The following NAV3 variants were observed in gnomAD, a reference collection of about 807,000 sequenced individuals.
NAV3 encodes the protein neuron navigator 3, also known as pore membrane and/or filament interacting like protein 1.
Under a neutral mutation model 244.7 loss-of-function variants are expected in NAV3, and 87 were observed. That is an observed-to-expected ratio of 0.36 (90% CI 0.30 to 0.42). NAV3 has a LOEUF of 0.42. NAV3 is among the 20% of genes least tolerant of loss of function. The pLI is 1.00. For synonymous variants in NAV3, 1,126 were observed against 1,042.2 expected, an observed-to-expected ratio of 1.08 and a Z score of -1.55; for missense variants, 2,663 against 2,893.3, an observed-to-expected ratio of 0.92 and a Z score of 1.83.
At chr12:78,134,398 T>G (rs992035551) in intron 18 of NAV3, among the ~76,000 whole-genome samples, 4 of 152,220 alleles carry the variant, frequency 2.6e-5, no homozygotes, top group African/African-American at 4.8e-5. Flanking sequence ...ACCTTTGAAA[T>G]TCTTTCTTTA....
chr12:77,836,942 T>G (rs894062570), intron 1 of NAV3, among the ~76,000 whole-genome samples: 2 of 152,168 alleles, frequency 1.3e-5, no homozygotes, highest in African/African-American at 4.8e-5. Flanking sequence ...TATTTCTTGC[T>G]GTTGTGTTCA....
intron 19 of NAV3, among the ~76,000 whole-genome samples, chr12:78,138,039 T>C (rs991553012): frequency 1.3e-5 from 2 of 152,148 alleles, no homozygotes; most frequent in African/African-American, 4.8e-5. Context: ...GAGAGACTTT[T>C]CTCTTTGATT....
chr12:77,788,860 C>G (rs1238917021), intron 2 of NAV3, among the ~76,000 whole-genome samples: 1 of 152,050 alleles, frequency 6.6e-6, no homozygotes, highest in Non-Finnish European at 1.5e-5. Flanking sequence ...ATTCTGCCTC[C>G]TAACTGAATT....
intron 9 of NAV3, among the ~76,000 whole-genome samples, chr12:78,027,983 T>C (rs1169732803): frequency 6.6e-6 from 1 of 152,082 alleles, no homozygotes; most frequent in Non-Finnish European, 1.5e-5. Flanking sequence ...GTTTTTTTTA[T>C]AGCACAGAAA....
rs774128541 is a variant in NAV3, at chr12:78,119,759, G to A, written c.3563G>A (p.Arg1188His). ...GAACCAACTAAAATTGGGTCAGGGC[G>A]CTCGAGTCCTGTCACCGTCAACCAA... ...LREPTKIGSG[R>H]SSPVTVNQTD... is the part of the protein sequence containing the mutation. The change falls in exon 15 of 40, where the codon CGC becomes CAC. Residue 1188 changes from arginine (R) to histidine (H), a missense_variant. Physicochemically the swap from Arg to His is conservative, Grantham distance 29. This residue lies in a region of NAV3 where 1,521 missense variants were observed against 1,497.0 expected (regional missense o/e 1.02). Coordinates refer to ENST00000397909, the MANE Select transcript of NAV3 (RefSeq NM_001024383.2). 2.5e-6 allele frequency: 4 copies of A among 1,613,888 alleles called. No individual in the cohort carries two copies. Among genetic ancestry groups the A allele is most frequent in the South Asian group, 2.2e-5 (2 of 91,068 alleles).
chr12:78,020,161 T>C (rs1876910649), intron 8 of NAV3, among the ~76,000 whole-genome samples: 1 of 152,090 alleles, frequency 6.6e-6, no homozygotes, highest in Non-Finnish European at 1.5e-5. Context: ...AACCACAACA[T>C]TTAATGATTA....
chr12:78,129,233 C>G (rs574706827), intron 18 of NAV3, among the ~76,000 whole-genome samples: 1 of 152,078 alleles, frequency 6.6e-6, no homozygotes, highest in South Asian at 2.1e-4. Context: ...ATTTAAGAAT[C>G]CTCTTAAAAA....
chr12:77,646,663 G>T (rs563717747), intron 2 of NAV3, among the ~76,000 whole-genome samples: 1 of 152,092 alleles, frequency 6.6e-6, no homozygotes. Flanking sequence ...CCAAGGGTTT[G>T]GTTGTCCAGG....
At chr12:78,181,299 C>T (rs141072993) in intron 30 of NAV3, among the ~76,000 whole-genome samples, 149 of 152,168 alleles carry the variant, frequency 9.8e-4, no homozygotes, top group African/African-American at 3.4e-3. Context: ...GAAGTACTTT[C>T]TCCATGATTC....
chr12:77,790,482 A>G (rs1244999728), intron 2 of NAV3, among the ~76,000 whole-genome samples: 2 of 152,172 alleles, frequency 1.3e-5, no homozygotes, highest in African/African-American at 4.8e-5. Flanking sequence ...TTTTGGATAC[A>G]GAAGCACCTG....
intron 1 of NAV3, among the ~76,000 whole-genome samples, chr12:77,854,734 C>T (rs1366389051): frequency 6.6e-6 from 1 of 152,078 alleles, no homozygotes; most frequent in Non-Finnish European, 1.5e-5. Flanking sequence ...TCAATCATGC[C>T]GCCTCTTTCT....
intron 2 of NAV3, among the ~76,000 whole-genome samples, chr12:77,747,654 C>G (rs1868620618): frequency 6.6e-6 from 1 of 152,128 alleles, no homozygotes; most frequent in Admixed American, 6.5e-5. Flanking sequence ...CAATGATAGA[C>G]TGGATTAAGG....
chr12:78,055,428 C>T (rs887588840), intron 11 of NAV3, among the ~76,000 whole-genome samples: 1 of 152,214 alleles, frequency 6.6e-6, no homozygotes, highest in Non-Finnish European at 1.5e-5. Context: ...TGCAAGAATA[C>T]ATGCATAATA....
chr12:78,157,694 T>C (rs1957362485), intron 22 of NAV3, among the ~76,000 whole-genome samples: 1 of 152,104 alleles, frequency 6.6e-6, no homozygotes, highest in African/African-American at 2.4e-5. Flanking sequence ...TATGATACTT[T>C]TTTTTAGTGG....
chr12:77,894,685 A>G (rs1884363900), intron 1 of NAV3, among the ~76,000 whole-genome samples: 1 of 152,184 alleles, frequency 6.6e-6, no homozygotes, highest in African/African-American at 2.4e-5. Flanking sequence ...AATAAGAGTA[A>G]ATGAGTGAAA....
At chr12:78,159,750 T>G (rs1318550986) in intron 23 of NAV3, among the ~76,000 whole-genome samples, 1 of 152,116 alleles carries the variant, frequency 6.6e-6, no homozygotes, top group African/African-American at 2.4e-5. Context: ...TTTAAAGATT[T>G]TATCAGTTTA....
At chr12:77,623,413 G>A (rs891653289) in intron 2 of NAV3, among the ~76,000 whole-genome samples, 2 of 152,132 alleles carry the variant, frequency 1.3e-5, no homozygotes, top group Admixed American at 6.5e-5. Context: ...CTTTGGTTTT[G>A]AATTGGTAGA....
At chr12:77,823,044 C>A (rs1273576454) in intron 2 of NAV3, among the ~76,000 whole-genome samples, 1 of 152,112 alleles carries the variant, frequency 6.6e-6, no homozygotes, top group Non-Finnish European at 1.5e-5. Flanking sequence ...ATAGACAATA[C>A]AGGACAATGG....
chr12:77,766,052 G>A (rs910357569), intron 2 of NAV3, among the ~76,000 whole-genome samples: 1 of 152,114 alleles, frequency 6.6e-6, no homozygotes, highest in Admixed American at 6.5e-5. Context: ...AGGGATATGA[G>A]CAAGAGGAGA....
Sources: allele counts gnomAD v4.1 joint callset (sites outside exome capture counted in the v4.1 genomes callset), GRCh38; gene constraint gnomAD v4.1.1; regional missense constraint gnomAD v4.1.1; transcripts MANE v1.5; gene names NCBI Gene and HGNC (gene_info 2026-07-23, HGNC 2026-07-21).